Variants in MAPT observed in about 807,000 individuals in gnomAD.
MAPT encodes the protein microtubule associated protein tau, also known as microtubule-associated protein tau.
MAPT carries 34 observed loss-of-function variants against 67.9 expected under a neutral mutation model. That is an observed-to-expected ratio of 0.50 (90% CI 0.38 to 0.67). The LOEUF is 0.67. MAPT is among the 30% of genes least tolerant of loss of function. The pLI is 0.00. For synonymous variants in MAPT, 456 were observed against 464.5 expected (o/e 0.98, Z 0.23); for missense variants, 881 against 1,115.2 (o/e 0.79, Z 2.99).
rs1430583458 is a variant in MAPT at position 45,962,397 on chromosome 17, G to C, written c.60G>C (p.Leu20Phe). ...AAGATCACGCTGGGACGTACGGGTT[G>C]GGGGACAGGAAAGATCAGGGGGGCT... ...VMEDHAGTYG[L>F]GDRKDQGGYT... Residue 20 changes from leucine to phenylalanine, a missense_variant, in exon 2 of 13, where the codon TTG becomes TTC. Leu to Phe is a conservative substitution (Grantham distance 22). Transcript: ENST00000262410. The C allele has an allele frequency of 9.9e-6, 16 of 1,612,586 alleles. No homozygotes were observed. Among genetic ancestry groups the C allele is most frequent in the Admixed American group, 3.3e-5 (2 of 59,976 alleles).
intron 1 of MAPT, among the ~76,000 whole-genome samples, chr17:45,949,235 T>A (rs2068813879): frequency 6.6e-6 from 1 of 152,210 alleles, no homozygotes; most frequent in African/African-American, 2.4e-5. Context: ...GGACCTTCCT[T>A]GGCTGCCCCC....
intron 10 of MAPT, among the ~76,000 whole-genome samples, chr17:46,011,412 A>G (rs2075810045): frequency 6.6e-6 from 1 of 152,144 alleles, no homozygotes; most frequent in South Asian, 2.1e-4. Flanking sequence ...CAATCATATA[A>G]TAATTTTAAA....
chr17:45,976,864 C>G (rs953321695), intron 3 of MAPT: 1 of 152,326 alleles, frequency 6.6e-6, no homozygotes, highest in African/African-American at 2.4e-5. Context: ...TGGCAGTGAC[C>G]GTGTCCGAGG....
intron 3 of MAPT, chr17:45,973,285 CT>C (rs1479066508): frequency 6.6e-6 from 1 of 152,200 alleles, no homozygotes; most frequent in East Asian, 1.9e-4. Flanking sequence ...TTGGCTCCTT[CT>C]TAGAGCCAGT....
At chr17:45,998,212 A>T (rs1205853292) in intron 9 of MAPT, among the ~76,000 whole-genome samples, 2 of 152,134 alleles carry the variant, frequency 1.3e-5, no homozygotes, top group African/African-American at 4.8e-5. Flanking sequence ...ACCAGTGCAC[A>T]TGGGCACCTT....
intron 1 of MAPT, among the ~76,000 whole-genome samples, chr17:45,950,094 A>G (rs1351009554): frequency 6.6e-6 from 1 of 151,208 alleles, no homozygotes; most frequent in African/African-American, 2.4e-5. Flanking sequence ...GAGTTGGGTC[A>G]CTGGGGCTCG....
rs1598382354 is a variant in MAPT, at chr17:46,010,955, A to G, written c.2091+553A>G. Among the ~76,000 whole-genome samples, 1 of 152,234 alleles carries G rather than the reference A, an allele frequency of 6.6e-6. No homozygotes were observed. Among genetic ancestry groups the G allele is most frequent in the East Asian group, 1.9e-4 (1 of 5,192 alleles). On this transcript the variant is annotated intron_variant, in intron 10 of 12. Coordinates refer to ENST00000262410, the MANE Select transcript of MAPT (RefSeq NM_001377265.1). The surrounding 1 kb of genome is among the most constrained non-coding windows in gnomAD (Gnocchi z 4.7). Reference sequence around the variant, plus strand: ...GCTGCTCCTACACGTTCAAGGCAGGAGCCGATTCCTAAGCCTCCAGCTTAT... The same window carrying G: ...GCTGCTCCTACACGTTCAAGGCAGGGGCCGATTCCTAAGCCTCCAGCTTAT...
In MAPT at chr17:45,906,069, C is replaced by T. The variant is rs1481078278; in HGVS notation, c.-18+11383C>T. On this transcript the variant is annotated intron_variant, in intron 1 of 12. Transcript: ENST00000262410. The surrounding 1 kb of genome is among the most constrained non-coding windows in gnomAD (Gnocchi z 4.3). ...CCCAGGAGGGATGCATGGGTGGCCA[C>T]AGCCCAGCCTGCACTGATCTTGTCT... 6.6e-6 allele frequency among the ~76,000 whole-genome samples: 1 copy of T among 152,224 alleles called. No homozygotes were observed. Among genetic ancestry groups the T allele is most frequent in the East Asian group, 1.9e-4 (1 of 5,200 alleles).
At chr17:45,922,360 A>G (rs2065821062) in intron 1 of MAPT, among the ~76,000 whole-genome samples, 1 of 152,148 alleles carries the variant, frequency 6.6e-6, no homozygotes, top group Non-Finnish European at 1.5e-5. Context: ...CAAAATGCCC[A>G]GCCAAAGTGT....
In MAPT at chr17:45,903,764, A is replaced by T. The variant is rs1268482731; in HGVS notation, c.-18+9078A>T. Among the ~76,000 whole-genome samples the T allele has an allele frequency of 1.6e-3, 147 of 92,322 alleles. 13 individuals carry two copies. The highest frequency in any genetic ancestry group is 2.7e-3 in the Admixed American group (14 of 5,210). 60.6% of individuals were successfully genotyped at this position (92,322 alleles called of 152,430 possible). A position where few individuals can be genotyped will look rare whatever the true frequency, so the allele number is the denominator to read the frequency against. Reference sequence around the variant, plus strand: ...CTTTGGTTTTATATATATTTTTTTTATATATATAATATATATTAAAATATA... The same window carrying T: ...CTTTGGTTTTATATATATTTTTTTTTTATATATAATATATATTAAAATATA... On this transcript the variant is annotated intron_variant, in intron 1 of 12. Coordinates refer to ENST00000262410, the MANE Select transcript of MAPT (RefSeq NM_001377265.1).
chr17:45,963,943 G>A (rs1214852311), intron 2 of MAPT, among the ~76,000 whole-genome samples: 1 of 152,186 alleles, frequency 6.6e-6, no homozygotes, highest in East Asian at 1.9e-4. Flanking sequence ...GTTGGGGGTA[G>A]GTGAAGGAAG....
chr17:45,971,849 T>C lies in MAPT; in HGVS notation c.134-10T>C, dbSNP rs1335467405. Reference sequence around the variant, plus strand: ...GCCACCGTTCTGAGGGCTCACTGTATGTGTTCCAGAATCTCCCCTGCAGAC... The same window carrying C: ...GCCACCGTTCTGAGGGCTCACTGTACGTGTTCCAGAATCTCCCCTGCAGAC... On this transcript the variant is annotated splice_polypyrimidine_tract_variant and intron_variant, in intron 2 of 12. Transcript: ENST00000262410. The surrounding 1 kb of genome is among the most constrained non-coding windows in gnomAD (Gnocchi z 4.3). 1.9e-6 allele frequency: 3 copies of C among 1,603,230 alleles called. No homozygotes were observed. Among genetic ancestry groups the C allele is most frequent in the South Asian group, 2.2e-5 (2 of 90,862 alleles).
At chr17:45,938,397 A>G (rs997945151) in intron 1 of MAPT, among the ~76,000 whole-genome samples, 1 of 152,184 alleles carries the variant, frequency 6.6e-6, no homozygotes, top group African/African-American at 2.4e-5. Context: ...TCCTCACATC[A>G]CCTTGCTCTG....
In MAPT at chr17:46,019,994, A is replaced by G. The variant is rs1319432133; in HGVS notation, c.2286+1264A>G. On this transcript the variant is annotated intron_variant, in intron 12 of 12. Transcript: ENST00000262410. ...GCCACTGCACTCCAGCCTGGGCAAC[A>G]GAGTGAGATTCCATCTCACAAAAAA... Among the ~76,000 whole-genome samples, 4 of 129,816 alleles carry G rather than the reference A, an allele frequency of 3.1e-5. No individual in the cohort carries two copies. In the Admixed American group the frequency reaches 3.3e-4, roughly 11 times the overall value. 85.2% of individuals were successfully genotyped at this position (129,816 alleles called of 152,430 possible). A position where few individuals can be genotyped will look rare whatever the true frequency, so the allele number is the denominator to read the frequency against.
chr17:45,899,397 A>G (rs961255298), intron 1 of MAPT, among the ~76,000 whole-genome samples: 2 of 152,210 alleles, frequency 1.3e-5, no homozygotes, highest in African/African-American at 4.8e-5. Flanking sequence ...AGGAGGCCCT[A>G]TTCTAAGTGC....
chr17:45,922,047 A>G (rs2065785715), intron 1 of MAPT, among the ~76,000 whole-genome samples: 1 of 151,168 alleles, frequency 6.6e-6, no homozygotes, highest in Non-Finnish European at 1.5e-5. Flanking sequence ...TCCATCACCC[A>G]GGCTGGAGTG....
intron 1 of MAPT, among the ~76,000 whole-genome samples, chr17:45,904,357 TA>T (rs2064134598): frequency 1.1e-5 from 1 of 89,688 alleles, no homozygotes; most frequent in Non-Finnish European, 2.3e-5. Flanking sequence ...TTATATATAT[TA>T]TATATATTAA....
chr17:45,912,548 C>G (rs2064870286), intron 1 of MAPT, among the ~76,000 whole-genome samples: 1 of 152,226 alleles, frequency 6.6e-6, no homozygotes, highest in Admixed American at 6.5e-5. Context: ...AACCAATTCT[C>G]TCTTGGAGCT....
Position 46,025,871 on chromosome 17 carries a change from A to G in MAPT, c.*1700A>G, listed in dbSNP as rs988909922. ...CAGCCCGCTGCTCAGCTCCACATGC[A>G]TAGTATCAGCCCTCCACACCCGACA... On this transcript the variant is annotated 3_prime_UTR_variant, in exon 13 of 13. Coordinates refer to ENST00000262410, the MANE Select transcript of MAPT (RefSeq NM_001377265.1). 1 of 152,426 alleles carries G rather than the reference A, an allele frequency of 6.6e-6. No homozygotes were observed. The highest frequency in any genetic ancestry group is 2.4e-5 in the African/African-American group (1 of 41,446). 9.4% of individuals were successfully genotyped at this position (152,426 alleles called of 1,614,324 possible). A position where few individuals can be genotyped will look rare whatever the true frequency, so the allele number is the denominator to read the frequency against.
Sources: gnomAD v4.1 joint callset for allele counts (sites outside exome capture counted in the v4.1 genomes callset) on GRCh38, gnomAD v4.1.1 for gene constraint, Gnocchi (gnomAD v3.1) non-coding constraint, MANE v1.5 for transcripts, NCBI Gene and HGNC (gene_info 2026-07-23, HGNC 2026-07-21) for gene names.